The following MRTFA variants were observed in gnomAD, a reference collection of about 807,000 sequenced individuals.
The protein encoded by MRTFA is myocardin related transcription factor A.
MRTFA carries 20 observed loss-of-function variants against 83.5 expected under a neutral mutation model. The observed-to-expected ratio is 0.24, with a 90% confidence interval of 0.17 to 0.35. The LOEUF is 0.35. MRTFA is among the 10% of genes least tolerant of loss of function. MRTFA has a pLI of 1.00. For synonymous variants in MRTFA, 659 were observed against 541.2 expected (o/e 1.22, Z -3.02); for missense variants, 1,200 against 1,224.7 (o/e 0.98, Z 0.30).
At chr22:40,611,763 A>T (rs1168502930) in intron 1 of MRTFA, among the ~76,000 whole-genome samples, 1 of 152,228 alleles carries the variant, frequency 6.6e-6, no homozygotes, top group Non-Finnish European at 1.5e-5. Context: ...ATAAAAGTCT[A>T]CATTAGTCAT....
At chr22:40,593,002 C>A (rs761032656) in intron 2 of MRTFA, among the ~76,000 whole-genome samples, 1 of 152,068 alleles carries the variant, frequency 6.6e-6, no homozygotes, top group Non-Finnish European at 1.5e-5. Context: ...TAAACAACCC[C>A]AATCCACACT....
At chr22:40,440,879 G>T (rs1416283707) in intron 4 of MRTFA, among the ~76,000 whole-genome samples, 3 of 152,146 alleles carry the variant, frequency 2.0e-5, no homozygotes, top group Non-Finnish European at 4.4e-5. Flanking sequence ...TTAGGCCTCT[G>T]CCAATTGAAG....
intron 4 of MRTFA, among the ~76,000 whole-genome samples, chr22:40,455,770 A>G (rs938671062): frequency 6.6e-6 from 1 of 151,532 alleles, no homozygotes; most frequent in Non-Finnish European, 1.5e-5. Flanking sequence ...TGGGGGACAC[A>G]ACAACAACAA....
intron 1 of MRTFA, among the ~76,000 whole-genome samples, chr22:40,605,110 A>G (rs1192177695): frequency 1.3e-5 from 2 of 152,226 alleles, no homozygotes; most frequent in Non-Finnish European, 2.9e-5. Flanking sequence ...TTCTTTATGA[A>G]GTAACCACTT....
chr22:40,436,907 T>C (rs1425136971), intron 4 of MRTFA, among the ~76,000 whole-genome samples: 1 of 152,180 alleles, frequency 6.6e-6, no homozygotes, highest in African/African-American at 2.4e-5. Context: ...CTATCCTGCC[T>C]GGGCCGTTGT....
intron 1 of MRTFA, among the ~76,000 whole-genome samples, chr22:40,631,882 CA>C: frequency 1.3e-5 from 2 of 152,330 alleles, no homozygotes; most frequent in East Asian, 3.9e-4. Context: ...TCCCCTACTT[CA>C]GAACTTCAGT....
intron 2 of MRTFA, among the ~76,000 whole-genome samples, chr22:40,556,169 A>G (rs372809841): frequency 6.6e-6 from 1 of 152,214 alleles, no homozygotes; most frequent in East Asian, 1.9e-4. Flanking sequence ...CTTTTATAAT[A>G]AAAAGACTAT....
intron 1 of MRTFA, among the ~76,000 whole-genome samples, chr22:40,619,808 C>T (rs1423535542): frequency 6.9e-6 from 1 of 144,182 alleles, no homozygotes; most frequent in Non-Finnish European, 1.5e-5. Context: ...AAGAATGGTG[C>T]AAACCTGGGA....
intron 3 of MRTFA, among the ~76,000 whole-genome samples, chr22:40,540,979 G>A (rs550041588): frequency 6.6e-6 from 1 of 152,226 alleles, no homozygotes; most frequent in Admixed American, 6.5e-5. Flanking sequence ...GAAAGGGCAG[G>A]TGCTCTGCTA....
chr22:40,562,358 C>T (rs2055632943), intron 2 of MRTFA, among the ~76,000 whole-genome samples: 1 of 151,736 alleles, frequency 6.6e-6, no homozygotes, highest in South Asian at 2.1e-4. Context: ...AGCCTAGTCA[C>T]CTGCTGAATA....
At chr22:40,438,830 TA>T (rs540059497) in intron 4 of MRTFA, among the ~76,000 whole-genome samples, 69 of 152,152 alleles carry the variant, frequency 4.5e-4, no homozygotes, top group African/African-American at 1.6e-3. Flanking sequence ...AGATATCCAC[TA>T]GGGGGTCTTG....
chr22:40,432,141 G>C (rs2053080426), intron 5 of MRTFA, among the ~76,000 whole-genome samples: 1 of 152,146 alleles, frequency 6.6e-6, no homozygotes, highest in Non-Finnish European at 1.5e-5. Context: ...AGCTACTTGG[G>C]AGGCTGAAGC....
At chr22:40,457,766 A>G (rs918965697) in intron 4 of MRTFA, among the ~76,000 whole-genome samples, 1 of 152,220 alleles carries the variant, frequency 6.6e-6, no homozygotes, top group African/African-American at 2.4e-5. Context: ...GGTTAACTGT[A>G]GCATTAGAAA....
At chr22:40,496,886 T>C (rs917002098) in intron 3 of MRTFA, among the ~76,000 whole-genome samples, 2 of 152,220 alleles carry the variant, frequency 1.3e-5, no homozygotes, top group African/African-American at 4.8e-5. Flanking sequence ...ATATTACTAA[T>C]CTCTACAAAG....
intron 3 of MRTFA, among the ~76,000 whole-genome samples, chr22:40,534,623 C>T (rs1416392739): frequency 6.6e-6 from 1 of 152,188 alleles, no homozygotes; most frequent in Non-Finnish European, 1.5e-5. Flanking sequence ...ATCTGCCCAC[C>T]TTAGCCTCAC....
intron 3 of MRTFA, among the ~76,000 whole-genome samples, chr22:40,547,766 A>C (rs1007097727): frequency 2.6e-5 from 4 of 151,886 alleles, no homozygotes; most frequent in Admixed American, 2.6e-4. Context: ...AGGAATGAGA[A>C]TCACTTGAAC....
chr22:40,441,831 T>TATACACAC (rs1555969039), intron 4 of MRTFA, among the ~76,000 whole-genome samples: 1 of 147,840 alleles, frequency 6.8e-6, no homozygotes, highest in African/African-American at 2.5e-5. Context: ...TATATATATA[T>TATACACAC]ACACACACAC....
At chr22:40,584,861 T>C (rs2056005252) in intron 2 of MRTFA, among the ~76,000 whole-genome samples, 1 of 151,032 alleles carries the variant, frequency 6.6e-6, no homozygotes, top group Non-Finnish European at 1.5e-5. Context: ...CTAGCCAACA[T>C]AGTGAAACCC....
chr22:40,551,941 T>C (rs2055449811), intron 3 of MRTFA, among the ~76,000 whole-genome samples, 165 bp downstream of exon 3: 1 of 152,180 alleles, frequency 6.6e-6, no homozygotes, highest in Non-Finnish European at 1.5e-5. Context: ...GCAGGAAATG[T>C]TGGACTTACA....
Sources: allele counts gnomAD v4.1 joint callset (sites outside exome capture counted in the v4.1 genomes callset), GRCh38; gene constraint gnomAD v4.1.1; transcripts MANE v1.5; gene names NCBI Gene and HGNC (gene_info 2026-07-23, HGNC 2026-07-21).